The following RALGAPA2 variants were observed in gnomAD, a reference collection of about 807,000 sequenced individuals.
The protein encoded by RALGAPA2 is ral GTPase-activating protein subunit alpha-2.
RALGAPA2 carries 139 observed loss-of-function variants against 230.4 expected under a neutral mutation model. The observed-to-expected ratio is 0.60, with a 90% CI of 0.53 to 0.69. The LOEUF (loss-of-function observed/expected upper bound fraction) is 0.69. RALGAPA2 is among the 30% of genes least tolerant of loss of function. RALGAPA2 has a pLI of 0.00. For synonymous variants in RALGAPA2, 847 were observed against 837.8 expected (o/e 1.01, Z -0.19); for missense variants, 2,163 against 2,276.0 (o/e 0.95, Z 1.01).
chr20:20,531,497 T>C (rs1255520128), intron 27 of RALGAPA2, among the ~76,000 whole-genome samples, 190 bp downstream of exon 27: 4 of 152,230 alleles, frequency 2.6e-5, no homozygotes, highest in African/African-American at 9.6e-5. Flanking sequence ...GAGACACTCG[T>C]GGCCAGGCTG....
chr20:20,518,128 T>G (rs112475352), intron 31 of RALGAPA2, among the ~76,000 whole-genome samples: 1,676 of 152,044 alleles, frequency 0.011, 26 homozygotes, highest in African/African-American at 0.039. Context: ...CGATCGTGGC[T>G]CATTGCAACC....
chr20:20,406,208 C>G (rs1250218147), intron 38 of RALGAPA2, among the ~76,000 whole-genome samples: 1 of 151,992 alleles, frequency 6.6e-6, no homozygotes, highest in Admixed American at 6.6e-5. Context: ...AGGTCACACC[C>G]CAGACCAATA....
At chr20:20,678,697 G>A (rs935515985) in intron 2 of RALGAPA2, among the ~76,000 whole-genome samples, 1 of 151,910 alleles carries the variant, frequency 6.6e-6, no homozygotes. Context: ...TAACCTTCCC[G>A]TGACCAGGGT....
At chr20:20,562,567 A>G (rs1384856129) in intron 23 of RALGAPA2, among the ~76,000 whole-genome samples, 1 of 152,222 alleles carries the variant, frequency 6.6e-6, no homozygotes, top group African/African-American at 2.4e-5. Context: ...CATTTACTTG[A>G]AAGAAAGTCT....
chr20:20,500,104 G>A (rs1020665663), intron 35 of RALGAPA2, among the ~76,000 whole-genome samples: 5 of 152,214 alleles, frequency 3.3e-5, no homozygotes, highest in Admixed American at 1.3e-4. Flanking sequence ...CCTTCAGTGA[G>A]TTGTAGTCTT....
At chr20:20,430,303 A>T (rs2060475280) in intron 37 of RALGAPA2, among the ~76,000 whole-genome samples, 2 of 152,210 alleles carry the variant, frequency 1.3e-5, no homozygotes, top group Non-Finnish European at 2.9e-5. Context: ...GCAGGCCTGG[A>T]TCTCAGTGCC....
chr20:20,514,543 G>A (rs1159086585), intron 31 of RALGAPA2, among the ~76,000 whole-genome samples: 1 of 152,114 alleles, frequency 6.6e-6, no homozygotes, highest in East Asian at 1.9e-4. Context: ...TTGGTGGCCT[G>A]AGCTGCCCCA....
At chr20:20,400,487 T>G (rs1002699545) in intron 38 of RALGAPA2, among the ~76,000 whole-genome samples, 1 of 152,214 alleles carries the variant, frequency 6.6e-6, no homozygotes, top group Non-Finnish European at 1.5e-5. Context: ...TCCTGGCATT[T>G]TTTTCTTTCT....
At chr20:20,496,666 T>A (rs559586858) in intron 35 of RALGAPA2, among the ~76,000 whole-genome samples, 1 of 152,356 alleles carries the variant, frequency 6.6e-6, no homozygotes, top group East Asian at 1.9e-4. Context: ...AAGTATTTTT[T>A]AAAAAGGTGT....
chr20:20,591,360 A>G (rs762186922), intron 16 of RALGAPA2, 46 bp from the exon 17 acceptor site: 56 of 1,572,802 alleles, frequency 3.6e-5, no homozygotes, highest in Non-Finnish European at 4.8e-5. Flanking sequence ...CAAGTTTTTA[A>G]AAAACACATT....
At chr20:20,442,347 A>G (rs1251913908) in intron 37 of RALGAPA2, among the ~76,000 whole-genome samples, 2 of 152,246 alleles carry the variant, frequency 1.3e-5, no homozygotes, top group Non-Finnish European at 2.9e-5. Flanking sequence ...TTCAGATGCC[A>G]TGAGGCATCT....
intron 3 of RALGAPA2, among the ~76,000 whole-genome samples, chr20:20,658,329 A>T (rs117905237): frequency 6.6e-6 from 1 of 152,370 alleles, no homozygotes; most frequent in Non-Finnish European, 1.5e-5. Flanking sequence ...AATAAAGCCC[A>T]ACACAACTAT....
chr20:20,430,453 A>T (rs1411706115), intron 37 of RALGAPA2, among the ~76,000 whole-genome samples: 3 of 152,208 alleles, frequency 2.0e-5, no homozygotes, highest in African/African-American at 4.8e-5. Flanking sequence ...TTCCTCCAAC[A>T]GGTGGGGGAA....
chr20:20,468,345 G>T (rs928859399), intron 37 of RALGAPA2, among the ~76,000 whole-genome samples: 7 of 152,112 alleles, frequency 4.6e-5, no homozygotes, highest in African/African-American at 1.7e-4. Context: ...TCCCATCTGG[G>T]GGTATAACTC....
chr20:20,417,886 T>A (rs2060197652), intron 37 of RALGAPA2, among the ~76,000 whole-genome samples: 1 of 152,222 alleles, frequency 6.6e-6, no homozygotes, highest in Non-Finnish European at 1.5e-5. Flanking sequence ...AGAGTTCAAT[T>A]TGAAGTAAAA....
intron 20 of RALGAPA2, among the ~76,000 whole-genome samples, chr20:20,575,568 G>A (rs1030666413): frequency 6.6e-6 from 1 of 152,108 alleles, no homozygotes; most frequent in South Asian, 2.1e-4. Flanking sequence ...TTTCTAGGGT[G>A]AAAAAGCAGT....
chr20:20,442,876 C>A (rs921347193), intron 37 of RALGAPA2, among the ~76,000 whole-genome samples: 3 of 152,224 alleles, frequency 2.0e-5, no homozygotes, highest in Non-Finnish European at 4.4e-5. Flanking sequence ...AATCTATGCA[C>A]GAACTGAACC....
chr20:20,656,950 CGA>C, intron 3 of RALGAPA2, among the ~76,000 whole-genome samples: 1 of 152,260 alleles, frequency 6.6e-6, no homozygotes, highest in African/African-American at 2.4e-5. Flanking sequence ...TCACCAGATG[CGA>C]GAGATGAAGA....
intron 37 of RALGAPA2, among the ~76,000 whole-genome samples, chr20:20,448,479 A>G (rs1281522174): frequency 1.3e-5 from 2 of 152,208 alleles, no homozygotes; most frequent in East Asian, 3.9e-4. Flanking sequence ...TGCCAACAAA[A>G]CACCTCTAAA....
Sources: gnomAD v4.1 joint callset for allele counts (sites outside exome capture counted in the v4.1 genomes callset) on GRCh38, gnomAD v4.1.1 for gene constraint, MANE v1.5 for transcripts, NCBI Gene and HGNC (gene_info 2026-07-23, HGNC 2026-07-21) for gene names.